Variants in PTPRD observed in about 807,000 individuals in gnomAD.
PTPRD encodes receptor-type tyrosine-protein phosphatase delta.
A neutral mutation model predicts 214.5 loss-of-function variants in PTPRD; 34 were observed. The observed-to-expected ratio is 0.16, with a 90% CI of 0.12 to 0.21. The LOEUF (loss-of-function observed/expected upper bound fraction) is 0.21. PTPRD is among the 10% of genes least tolerant of loss of function. The pLI, the probability that PTPRD is intolerant of heterozygous loss-of-function variation, is 1.00. For missense variants in PTPRD, 2,545 were observed against 2,398.7 expected (o/e 1.06, Z -1.27); for synonymous variants, 1,128 against 845.7 (o/e 1.33, Z -5.79).
At chr9:9,002,763 G>T (rs2099429024) in intron 11 of PTPRD, among the ~76,000 whole-genome samples, 1 of 151,994 alleles carries the variant, frequency 6.6e-6, no homozygotes, top group South Asian at 2.1e-4. Context: ...ATCCCTCTAG[G>T]AATTGAGGAA....
intron 5 of PTPRD, among the ~76,000 whole-genome samples, chr9:9,910,737 G>A (rs2078955779): frequency 6.6e-6 from 1 of 151,916 alleles, no homozygotes; most frequent in South Asian, 2.1e-4. Flanking sequence ...CAAAACTTGA[G>A]TTTCTTAAAA....
intron 2 of PTPRD, among the ~76,000 whole-genome samples, chr9:10,384,648 G>C (rs1432464432): frequency 1.3e-5 from 2 of 151,174 alleles, no homozygotes; most frequent in East Asian, 3.9e-4. Flanking sequence ...AGTGGAATTA[G>C]TTTTAAAAAA....
intron 8 of PTPRD, among the ~76,000 whole-genome samples, chr9:9,492,468 A>G (rs767109060): frequency 1.3e-5 from 2 of 152,128 alleles, no homozygotes; most frequent in Non-Finnish European, 2.9e-5. Flanking sequence ...CCAAAAACCA[A>G]TGATGTTTAT....
rs141175426 is a variant in PTPRD at position 8,890,222 on chromosome 9, A to C, written c.-104+128475T>G. ...CCTTTATCAAGGGCTACAATAAAAGACTTGCATAGCAATTCAAATGAAATG... is the reference window on the plus strand; with the variant it reads ...CCTTTATCAAGGGCTACAATAAAAGCCTTGCATAGCAATTCAAATGAAATG... On this transcript the variant is annotated intron_variant, in intron 11 of 45. Coordinates refer to ENST00000381196, the MANE Select transcript of PTPRD (RefSeq NM_002839.4). Among the ~76,000 whole-genome samples the C allele has an allele frequency of 6.4e-4, 98 of 152,376 alleles. 2 individuals are homozygous for C. In the East Asian group the frequency reaches 0.017, roughly 27 times the overall value.
rs1330162860 is a variant in PTPRD at position 10,082,807 on chromosome 9, C to G, written c.-544-49017G>C. Among the ~76,000 whole-genome samples the G allele has an allele frequency of 2.3e-5, 3 of 129,532 alleles. No homozygotes were observed. In the South Asian group the frequency reaches 7.7e-4, roughly 33 times the overall value. The allele number at this position is 129,532 out of a possible 152,430, so 85.0% of individuals were successfully genotyped here. A position where few individuals can be genotyped will look rare whatever the true frequency, so the allele number is the denominator to read the frequency against. On this transcript the variant is annotated intron_variant, in intron 3 of 45. Transcript: ENST00000381196. ...GGAAAGCACACCCCTTTCTTCTACTCCTCCTACACACACACACACACACAC... is the reference window on the plus strand; with the variant it reads ...GGAAAGCACACCCCTTTCTTCTACTGCTCCTACACACACACACACACACAC...
intron 5 of PTPRD, among the ~76,000 whole-genome samples, chr9:9,801,514 T>G (rs1315113068): frequency 6.6e-6 from 1 of 152,066 alleles, no homozygotes; most frequent in Non-Finnish European, 1.5e-5. Flanking sequence ...TTTTAAATAA[T>G]CTGTACAAAG....
chr9:8,958,030 C>T (rs2099140535), intron 11 of PTPRD, among the ~76,000 whole-genome samples: 1 of 151,868 alleles, frequency 6.6e-6, no homozygotes, highest in African/African-American at 2.4e-5. Flanking sequence ...TTACATGCTC[C>T]TTAAAACGTA....
intron 11 of PTPRD, among the ~76,000 whole-genome samples, chr9:8,998,643 C>G (rs995563993): frequency 6.6e-6 from 1 of 152,028 alleles, no homozygotes; most frequent in Non-Finnish European, 1.5e-5. Context: ...GAAGTAATAT[C>G]AACACTTAAG....
At chr9:8,426,038 T>A (rs1433772412) in intron 35 of PTPRD, among the ~76,000 whole-genome samples, 1 of 152,088 alleles carries the variant, frequency 6.6e-6, no homozygotes, top group Non-Finnish European at 1.5e-5. Context: ...TTTGGAAGAA[T>A]GAGAAGAGAA....
intron 14 of PTPRD, among the ~76,000 whole-genome samples, chr9:8,613,534 G>C (rs1218922161): frequency 6.6e-6 from 1 of 152,020 alleles, no homozygotes; most frequent in Non-Finnish European, 1.5e-5. Flanking sequence ...CAGACTCTCT[G>C]ACATCATCAT....
chr9:9,313,183 A>G (rs1229217393), intron 9 of PTPRD, among the ~76,000 whole-genome samples: 1 of 152,138 alleles, frequency 6.6e-6, no homozygotes, highest in African/African-American at 2.4e-5. Flanking sequence ...GCTGTGTGTC[A>G]TAAGTTGCAG....
intron 3 of PTPRD, among the ~76,000 whole-genome samples, chr9:10,305,137 A>G (rs911195659): frequency 2.0e-5 from 3 of 152,160 alleles, no homozygotes; most frequent in Admixed American, 2.0e-4. Context: ...CAAACCTGAC[A>G]AAAACAAGCA....
intron 4 of PTPRD, among the ~76,000 whole-genome samples, chr9:9,945,107 T>C (rs915043734): frequency 5.3e-5 from 8 of 152,194 alleles, no homozygotes; most frequent in African/African-American, 1.9e-4. Flanking sequence ...TGTATAGTTT[T>C]AGATCTATGT....
chr9:9,756,723 T>C (rs1450940507), intron 6 of PTPRD, among the ~76,000 whole-genome samples: 2 of 152,148 alleles, frequency 1.3e-5, no homozygotes, highest in African/African-American at 4.8e-5. Context: ...ATTTTTATGG[T>C]ATATGAATTT....
In PTPRD at chr9:9,964,156, T is replaced by C. The variant is rs1472146362; in HGVS notation, c.-471-25546A>G. ...GGCTTTTGAAATATAACCAGAAAGA[T>C]ATCTATTTCAATTTGAAGGTTTCTC... On this transcript the variant is annotated intron_variant, in intron 4 of 45. Coordinates refer to ENST00000381196, the MANE Select transcript of PTPRD (RefSeq NM_002839.4). 2.3e-5 allele frequency among the ~76,000 whole-genome samples: 3 copies of C among 128,510 alleles called. No homozygotes were observed. The Admixed American group carries it at 2.5e-4, about 11-fold the overall frequency. The allele number at this position is 128,510 out of a possible 152,430, so 84.3% of individuals were successfully genotyped here.
chr9:8,887,382 G>T (rs538025332), intron 11 of PTPRD, among the ~76,000 whole-genome samples: 1 of 152,294 alleles, frequency 6.6e-6, no homozygotes, highest in African/African-American at 2.4e-5. Flanking sequence ...GATGGAAGAA[G>T]TAACAATTTT....
At chr9:9,568,580 T>C (rs758892503) in intron 8 of PTPRD, among the ~76,000 whole-genome samples, 6 of 152,070 alleles carry the variant, frequency 3.9e-5, no homozygotes, top group Non-Finnish European at 7.4e-5. Flanking sequence ...TGAGAAAATA[T>C]ATGCTACTTA....
At chr9:9,850,460 T>C (rs962989470) in intron 5 of PTPRD, among the ~76,000 whole-genome samples, 5 of 152,144 alleles carry the variant, frequency 3.3e-5, no homozygotes, top group African/African-American at 1.2e-4. Flanking sequence ...TAAGCAACAT[T>C]TTCTGGAGTC....
At chr9:8,646,990 G>A (rs1056364960) in intron 12 of PTPRD, among the ~76,000 whole-genome samples, 2 of 152,206 alleles carry the variant, frequency 1.3e-5, no homozygotes, top group Admixed American at 6.5e-5. Context: ...TGGCGAATTA[G>A]CTATGGAATA....
Sources: gnomAD v4.1 joint callset for allele counts (sites outside exome capture counted in the v4.1 genomes callset) on GRCh38, gnomAD v4.1.1 for gene constraint, MANE v1.5 for transcripts, NCBI Gene and HGNC (gene_info 2026-07-23, HGNC 2026-07-21) for gene names.